XKR6: variants seen among roughly 807,000 people sequenced by gnomAD.
XKR6 encodes the protein XK related 6, also known as XK-related protein 6.
In XKR6, 22 loss-of-function variants were observed where a neutral mutation model predicts 56.7. The ratio of observed to expected loss-of-function variants is 0.39; its 90% CI spans 0.28 to 0.55. The LOEUF (loss-of-function observed/expected upper bound fraction) is 0.55. XKR6 is among the 20% of genes least tolerant of loss of function. The probability of loss-of-function intolerance (pLI) is 0.66; values close to 1 mark genes in which losing one functional copy is unlikely to be tolerated. For synonymous variants in XKR6, 524 were observed against 387.8 expected, an observed-to-expected ratio of 1.35 and a Z score of -4.13; for missense variants, 852 against 889.0, an observed-to-expected ratio of 0.96 and a Z score of 0.53.
chr8:11,132,553 G>C (rs1482720011), intron 1 of XKR6, among the ~76,000 whole-genome samples: 2 of 151,568 alleles, frequency 1.3e-5, no homozygotes, highest in East Asian at 1.9e-4. Context: ...GTAGAGACGG[G>C]GTTTCACTAT....
intron 1 of XKR6, among the ~76,000 whole-genome samples, chr8:11,139,592 G>A (rs1163056296): frequency 3.3e-5 from 5 of 152,104 alleles, no homozygotes; most frequent in Non-Finnish European, 7.4e-5. Context: ...CAGGGCTCCC[G>A]CTCCAAGCCA....
intron 2 of XKR6, among the ~76,000 whole-genome samples, chr8:10,922,777 A>G (rs1024860784): frequency 2.0e-5 from 3 of 152,164 alleles, no homozygotes; most frequent in African/African-American, 7.2e-5. Context: ...AGCTCTTCTC[A>G]GTGCCCAGGA....
intron 1 of XKR6, among the ~76,000 whole-genome samples, chr8:11,131,426 C>A (rs1554467525): frequency 6.6e-6 from 1 of 152,024 alleles, no homozygotes; most frequent in Admixed American, 6.5e-5. Context: ...TTGAGTTTTT[C>A]TTTATTTATG....
At chr8:10,912,349 G>A (rs1332162730) in intron 2 of XKR6, among the ~76,000 whole-genome samples, 1 of 124,318 alleles carries the variant, frequency 8.0e-6, no homozygotes, top group Admixed American at 8.8e-5. Context: ...TATATGGAGA[G>A]AGAGAGAGAG....
intron 1 of XKR6, among the ~76,000 whole-genome samples, chr8:11,018,410 G>C (rs1018542522): frequency 2.6e-5 from 4 of 152,204 alleles, no homozygotes; most frequent in African/African-American, 9.6e-5. Flanking sequence ...CACAAACTCA[G>C]GAAGGGAGCG....
intron 1 of XKR6, among the ~76,000 whole-genome samples, chr8:11,134,943 C>T (rs1456204305): frequency 6.6e-6 from 1 of 151,904 alleles, no homozygotes; most frequent in Non-Finnish European, 1.5e-5. Context: ...TTCCATTATA[C>T]TCTGCTGAAG....
intron 1 of XKR6, among the ~76,000 whole-genome samples, chr8:11,114,725 ATATGTG>A (rs1449653741): frequency 2.4e-4 from 19 of 77,692 alleles, no homozygotes; most frequent in African/African-American, 1.1e-3. Context: ...CTTAGATCAC[ATATGTG>A]TGTGTGTGTG....
At chr8:10,912,593 T>G (rs1294430752) in intron 2 of XKR6, among the ~76,000 whole-genome samples, 1 of 142,936 alleles carries the variant, frequency 7.0e-6, no homozygotes, top group African/African-American at 2.6e-5. Flanking sequence ...CATATATATA[T>G]GTAGAGAGAG....
At chr8:11,056,482 A>T (rs1799688094) in intron 1 of XKR6, among the ~76,000 whole-genome samples, 1 of 152,190 alleles carries the variant, frequency 6.6e-6, no homozygotes, top group African/African-American at 2.4e-5. Context: ...ATTTCTGTGC[A>T]CATGGCAGGC....
At chr8:11,090,609 T>A (rs180906445) in intron 1 of XKR6, among the ~76,000 whole-genome samples, 10 of 152,318 alleles carry the variant, frequency 6.6e-5, no homozygotes, top group Non-Finnish European at 1.2e-4. Flanking sequence ...TATGTTATTG[T>A]TTTAATTGCA....
intron 1 of XKR6, among the ~76,000 whole-genome samples, chr8:11,116,226 A>T (rs886587864): frequency 1.3e-5 from 2 of 152,184 alleles, no homozygotes; most frequent in African/African-American, 4.8e-5. Flanking sequence ...TTTTCAGTTC[A>T]TAGGAAGCTT....
At chr8:10,920,585 C>T (rs1408525771) in intron 2 of XKR6, among the ~76,000 whole-genome samples, 1 of 152,222 alleles carries the variant, frequency 6.6e-6, no homozygotes, top group Non-Finnish European at 1.5e-5. Context: ...GATGACTAAA[C>T]TGATTTTCTT....
chr8:11,099,156 C>T (rs1202793024), intron 1 of XKR6, among the ~76,000 whole-genome samples: 1 of 152,160 alleles, frequency 6.6e-6, no homozygotes, highest in Non-Finnish European at 1.5e-5. Context: ...AGCTCCCGCT[C>T]CACTGAACCA....
intron 1 of XKR6, among the ~76,000 whole-genome samples, chr8:10,965,756 G>A (rs866108170): frequency 2.6e-5 from 4 of 152,184 alleles, no homozygotes; most frequent in South Asian, 2.1e-4. Flanking sequence ...CTCTTACTCC[G>A]CACAAAATAC....
chr8:10,911,623 A>G (rs981352949), intron 2 of XKR6, among the ~76,000 whole-genome samples: 2 of 147,408 alleles, frequency 1.4e-5, no homozygotes, highest in African/African-American at 5.0e-5. Context: ...ATATGTAGAC[A>G]GAGAGGGGGT....
intron 1 of XKR6, among the ~76,000 whole-genome samples, chr8:11,074,174 C>T (rs1202136167): frequency 1.3e-5 from 2 of 152,204 alleles, no homozygotes; most frequent in South Asian, 2.1e-4. Context: ...CCGAGGTTCA[C>T]GGCCCCAGCG....
chr8:11,143,483 G>A (rs1800812821), intron 1 of XKR6, among the ~76,000 whole-genome samples: 2 of 152,234 alleles, frequency 1.3e-5, no homozygotes, highest in South Asian at 4.1e-4. Context: ...AATTACACCA[G>A]CAGAGCGCAG....
chr8:11,133,500 T>A (rs372749680), intron 1 of XKR6, among the ~76,000 whole-genome samples: 56 of 152,028 alleles, frequency 3.7e-4, no homozygotes, highest in Admixed American at 1.4e-3. Flanking sequence ...CCTTTCGGAG[T>A]ATGGACCTTG....
intron 1 of XKR6, among the ~76,000 whole-genome samples, chr8:11,160,188 G>A (rs1801723651): frequency 6.6e-6 from 1 of 151,536 alleles, no homozygotes; most frequent in South Asian, 2.1e-4. Context: ...TGAAGAAAAT[G>A]TACGTCAGAA....
Sources: gnomAD v4.1 joint callset for allele counts (sites outside exome capture counted in the v4.1 genomes callset) on GRCh38, gnomAD v4.1.1 for gene constraint, MANE v1.5 for transcripts, NCBI Gene and HGNC (gene_info 2026-07-23, HGNC 2026-07-21) for gene names.